The following SCLT1 variants were observed in gnomAD, a reference collection of about 807,000 sequenced individuals.
SCLT1 encodes sodium channel-associated protein 1.
A neutral mutation model predicts 112.8 loss-of-function variants in SCLT1; 78 were observed. The observed-to-expected ratio is 0.69, with a 90% CI of 0.58 to 0.83. SCLT1 has a LOEUF of 0.83. Among genes scored for constraint, SCLT1 ranks in the 40% least tolerant of loss-of-function variants. SCLT1 has a pLI of 0.00. For synonymous variants in SCLT1, 257 were observed against 254.7 expected, an observed-to-expected ratio of 1.01 and a Z score of -0.09; for missense variants, 747 against 770.4, an observed-to-expected ratio of 0.97 and a Z score of 0.36.
Position 129,039,092 on chromosome 4 carries a change from T to G in SCLT1, c.239A>C (p.Gln80Pro). 7.5e-6 allele frequency: 12 copies of G among 1,598,278 alleles called. No homozygotes were observed. Among genetic ancestry groups the G allele is most frequent in the Non-Finnish European group, 1.0e-5 (12 of 1,166,194 alleles). Residue 80 changes from glutamine (Q) to proline (P), a missense_variant, in exon 5 of 21, where the codon CAG becomes CCG. Gln to Pro is a moderately conservative substitution (Grantham distance 76). Coordinates refer to ENST00000281142, the MANE Select transcript of SCLT1 (RefSeq NM_144643.4). Reference sequence around the variant, plus strand: ...AAGTTGTAATTTCATCTCACCCACCTGTTTCTGAAAGAATAAAATATGGTG... The same window carrying G: ...AAGTTGTAATTTCATCTCACCCACCGGTTTCTGAAAGAATAAAATATGGTG... ...LNGQLKYYQK[Q>P]VGEMKLQLEN...
chr4:128,927,954 C>A (rs980873972), intron 18 of SCLT1, among the ~76,000 whole-genome samples: 2 of 151,554 alleles, frequency 1.3e-5, no homozygotes, highest in Non-Finnish European at 2.9e-5. Flanking sequence ...ATTAAATGGA[C>A]AATAATATGA....
intron 2 of SCLT1, among the ~76,000 whole-genome samples, chr4:129,056,305 A>AC (rs1749384851): frequency 6.6e-6 from 1 of 151,982 alleles, no homozygotes; most frequent in South Asian, 2.1e-4. Flanking sequence ...TGTTCTTGGC[A>AC]CCTTTTTTGA....
intron 6 of SCLT1, among the ~76,000 whole-genome samples, chr4:129,000,948 T>TA (rs942942339): frequency 8.2e-4 from 116 of 141,794 alleles, no homozygotes; most frequent in Admixed American, 1.7e-3. Flanking sequence ...GTCTAAAACT[T>TA]AAAAAAAAAA....
At chr4:128,898,213 A>C (rs1733949227) in intron 18 of SCLT1, among the ~76,000 whole-genome samples, 1 of 152,164 alleles carries the variant, frequency 6.6e-6, no homozygotes. Context: ...AAATCAACAG[A>C]ATATACATTC....
At chr4:128,915,062 C>A (rs777566893) in intron 18 of SCLT1, among the ~76,000 whole-genome samples, 16 of 152,012 alleles carry the variant, frequency 1.1e-4, no homozygotes, top group Non-Finnish European at 1.9e-4. Context: ...CTTTAAAAAT[C>A]ACATTTCAAT....
At chr4:128,995,975 G>A (rs185200762) in intron 8 of SCLT1, among the ~76,000 whole-genome samples, 5 of 152,208 alleles carry the variant, frequency 3.3e-5, no homozygotes, top group African/African-American at 1.2e-4. Context: ...GCCAGACTAT[G>A]CTGGATCTGT....
At chr4:128,970,636 G>A in intron 9 of SCLT1, 168 bp from the exon 10 acceptor site, 1 of 570,598 alleles carries the variant, frequency 1.8e-6, no homozygotes, top group Admixed American at 3.1e-5. Context: ...AGTGCATGTA[G>A]AAGATATTAA....
chr4:128,919,789 C>T (rs1393521419), intron 18 of SCLT1, among the ~76,000 whole-genome samples: 1 of 151,566 alleles, frequency 6.6e-6, no homozygotes, highest in Non-Finnish European at 1.5e-5. Flanking sequence ...TGCACACAAA[C>T]CAGAAAACCT....
chr4:129,043,079 A>G (rs889178633), intron 4 of SCLT1, among the ~76,000 whole-genome samples: 2 of 151,954 alleles, frequency 1.3e-5, no homozygotes, highest in African/African-American at 4.8e-5. Context: ...CTCAAAAAAA[A>G]GAAAAGAAAA....
At chr4:128,937,428 G>C (rs1737306201) in intron 17 of SCLT1, among the ~76,000 whole-genome samples, 1 of 152,106 alleles carries the variant, frequency 6.6e-6, no homozygotes, top group Non-Finnish European at 1.5e-5. Flanking sequence ...TAAAATGCCA[G>C]TAAAAGAAAA....
chr4:128,948,403 G>T, intron 15 of SCLT1, 93 bp downstream of exon 15: 1 of 1,322,160 alleles, frequency 7.6e-7, no homozygotes, highest in Non-Finnish European at 9.9e-7. Flanking sequence ...AACAAATAAA[G>T]GAATTGCTAG....
chr4:128,979,167 T>C (rs931273279), intron 9 of SCLT1, among the ~76,000 whole-genome samples: 5 of 152,178 alleles, frequency 3.3e-5, no homozygotes, highest in African/African-American at 1.2e-4. Flanking sequence ...ATTATAGCAA[T>C]GAGGAAACTG....
intron 5 of SCLT1, among the ~76,000 whole-genome samples, chr4:129,008,553 A>G (rs1352127171): frequency 6.6e-6 from 1 of 152,162 alleles, no homozygotes; most frequent in African/African-American, 2.4e-5. Context: ...TGTCTCTTCA[A>G]ATATTATTTC....
intron 14 of SCLT1, among the ~76,000 whole-genome samples, chr4:128,952,166 C>T (rs544009231): frequency 6.6e-6 from 1 of 152,046 alleles, no homozygotes. Context: ...TGATTCATTG[C>T]TAAATTTTGT....
intron 2 of SCLT1, among the ~76,000 whole-genome samples, chr4:129,048,555 G>C (rs904384791): frequency 1.2e-4 from 18 of 151,400 alleles, no homozygotes; most frequent in African/African-American, 3.9e-4. Context: ...TTACCATTCA[G>C]GACATAGGCA....
At chr4:129,004,154 CAA>C (rs76055268) in intron 5 of SCLT1, among the ~76,000 whole-genome samples, 39,472 of 151,764 alleles carry the variant, frequency 0.26, 6,256 homozygotes, top group Non-Finnish European at 0.35. Context: ...CAAAAATTTT[CAA>C]AAGAGTAAAA....
intron 18 of SCLT1, among the ~76,000 whole-genome samples, chr4:128,931,324 A>T (rs1736742844): frequency 6.6e-6 from 1 of 152,214 alleles, no homozygotes; most frequent in Non-Finnish European, 1.5e-5. Context: ...CGACAGTATG[A>T]CTAAAAAGGA....
chr4:128,893,886 T>TA (rs2125926301), intron 18 of SCLT1, among the ~76,000 whole-genome samples: 1 of 152,216 alleles, frequency 6.6e-6, no homozygotes, highest in East Asian at 1.9e-4. Flanking sequence ...AAACAGAAAT[T>TA]AAAAAAATAA....
chr4:128,933,412 T>C (rs1157395563), intron 18 of SCLT1, among the ~76,000 whole-genome samples: 1 of 152,144 alleles, frequency 6.6e-6, no homozygotes, highest in African/African-American at 2.4e-5. Context: ...GCACATATTC[T>C]TTTTGATATC....
Sources: gnomAD v4.1 joint callset for allele counts (sites outside exome capture counted in the v4.1 genomes callset) on GRCh38, gnomAD v4.1.1 for gene constraint, MANE v1.5 for transcripts, NCBI Gene and HGNC (gene_info 2026-07-23, HGNC 2026-07-21) for gene names.